EDARADD: variants seen among roughly 807,000 people sequenced by gnomAD.
The protein encoded by EDARADD is EDAR associated via death domain, also known as ectodysplasin-A receptor-associated adapter protein.
EDARADD carries 20 observed loss-of-function variants against 25.6 expected under a neutral mutation model. That is an observed-to-expected ratio of 0.78 (90% CI 0.55 to 1.14). The LOEUF (loss-of-function observed/expected upper bound fraction) is 1.14. EDARADD is among the 50% of genes most tolerant of loss of function. The pLI is 0.00. For synonymous variants in EDARADD, 86 were observed against 94.4 expected (o/e 0.91, Z 0.52); for missense variants, 225 against 270.1 (o/e 0.83, Z 1.17).
At chr1:236,384,194 A>G (rs908920557) in intron 3 of EDARADD, among the ~76,000 whole-genome samples, 9 of 152,140 alleles carry the variant, frequency 5.9e-5, no homozygotes, top group Non-Finnish European at 1.3e-4. Context: ...TTGTACCCAC[A>G]TGTAAGAGTT....
intron 3 of EDARADD, among the ~76,000 whole-genome samples, chr1:236,369,353 A>C (rs1001239333): frequency 1.3e-5 from 2 of 152,138 alleles, no homozygotes; most frequent in Middle Eastern, 3.2e-3. Flanking sequence ...CTTTTCATTT[A>C]TTTAGTTCTT....
At chr1:236,444,940 T>C (rs1658493219) in intron 4 of EDARADD, among the ~76,000 whole-genome samples, 1 of 152,174 alleles carries the variant, frequency 6.6e-6, no homozygotes, top group African/African-American at 2.4e-5. Context: ...ATGTATTTTG[T>C]TAGATTTCAA....
intron 4 of EDARADD, among the ~76,000 whole-genome samples, chr1:236,451,815 C>T (rs1212186563): frequency 4.6e-5 from 7 of 152,080 alleles, no homozygotes; most frequent in East Asian, 1.9e-4. Flanking sequence ...CCCTCCTCCC[C>T]GGAGATGAGA....
chr1:236,433,961 AT>A (rs1178770583), intron 4 of EDARADD, among the ~76,000 whole-genome samples: 1 of 152,052 alleles, frequency 6.6e-6, no homozygotes, highest in African/African-American at 2.4e-5. Flanking sequence ...TTGTTTAATA[AT>A]TCAGAAACAT....
chr1:236,467,645 T>A (rs188020255), intron 4 of EDARADD, among the ~76,000 whole-genome samples: 1 of 149,824 alleles, frequency 6.7e-6, no homozygotes, highest in African/African-American at 2.4e-5. Flanking sequence ...AGGGAAAGAA[T>A]TGTAACCTGG....
intron 5 of EDARADD, among the ~76,000 whole-genome samples, chr1:236,480,008 C>T (rs577605055): frequency 1.6e-4 from 24 of 150,348 alleles, no homozygotes; most frequent in South Asian, 6.3e-4. Flanking sequence ...ACTGTGCCAC[C>T]GCACTCCAGC....
intron 1 of EDARADD, among the ~76,000 whole-genome samples, chr1:236,408,302 A>C (rs1667773795): frequency 6.6e-6 from 1 of 152,072 alleles, no homozygotes; most frequent in African/African-American, 2.4e-5. Context: ...TCCCAGGTTC[A>C]AGCTATTCTT....
At chr1:236,355,564 C>T (rs544581392) in intron 3 of EDARADD, among the ~76,000 whole-genome samples, 8 of 124,006 alleles carry the variant, frequency 6.5e-5, no homozygotes, top group African/African-American at 2.4e-4. Context: ...GGCTGGAGTG[C>T]AGTGGCACGA....
At chr1:236,350,830 A>G (rs1396319654) in exon 3 of EDARADD, 1 of 152,200 alleles carries the variant, frequency 6.6e-6, no homozygotes, top group African/African-American at 2.4e-5. Flanking sequence ...CCTGGGGTCA[A>G]TTGTTTAAGG....
chr1:236,471,635 G>A lies in EDARADD; in HGVS notation c.265+3359G>A, dbSNP rs576576470. ...CAGAACCATAATACTTAGCTATCTC[G>A]GAAGTTGCCAATATAAAATGTTTAC... On this transcript the variant is annotated intron_variant, in intron 5 of 5. Coordinates refer to ENST00000334232, the MANE Select transcript of EDARADD (RefSeq NM_145861.4). 3.6e-4 allele frequency among the ~76,000 whole-genome samples: 55 copies of A among 152,066 alleles called. 1 individual carries two copies. In the South Asian group the frequency reaches 6.2e-3, roughly 17 times the overall value.
chr1:236,359,544 A>T (rs1215617365), intron 3 of EDARADD, among the ~76,000 whole-genome samples: 1 of 152,230 alleles, frequency 6.6e-6, no homozygotes, highest in Non-Finnish European at 1.5e-5. Flanking sequence ...CACTACTGAT[A>T]AAGGTATAAC....
At position 236,361,549 on chromosome 1, in the gene EDARADD, C is replaced by T. The variant is rs375022607; in HGVS notation, c.-6+10710C>T. Among the ~76,000 whole-genome samples the T allele has an allele frequency of 9.3e-5, 14 of 151,214 alleles. No individual in the cohort carries two copies. The East Asian group carries it at 1.2e-3, about 13-fold the overall frequency. On this transcript the variant is annotated intron_variant, in intron 3 of 7. Transcript: ENST00000439430. ...TTTGCCATGTTGGCCAGGCTGGTCT[C>T]GAACTCCTGACCTTCAGTGATCTGC...
chr1:236,361,407 C>T (rs533982106), intron 3 of EDARADD, among the ~76,000 whole-genome samples: 380 of 152,016 alleles, frequency 2.5e-3, no homozygotes, highest in African/African-American at 8.8e-3. Flanking sequence ...CCTCCACCTC[C>T]GGGTTCAAGT....
chr1:236,457,001 C>T (rs1026711329), intron 4 of EDARADD, among the ~76,000 whole-genome samples: 1 of 152,124 alleles, frequency 6.6e-6, no homozygotes, highest in Non-Finnish European at 1.5e-5. Context: ...GAAATGTCAA[C>T]TGTTGTTCTC....
chr1:236,356,662 G>T (rs1666978792), intron 3 of EDARADD, among the ~76,000 whole-genome samples: 1 of 152,074 alleles, frequency 6.6e-6, no homozygotes, highest in African/African-American at 2.4e-5. Flanking sequence ...TAAATGGTGG[G>T]CTATAGCAAG....
intron 1 of EDARADD, among the ~76,000 whole-genome samples, chr1:236,406,628 T>C (rs1667744569): frequency 6.6e-6 from 1 of 152,210 alleles, no homozygotes; most frequent in Non-Finnish European, 1.5e-5. Context: ...GTCTAATCTT[T>C]ATGGGACCAC....
chr1:236,350,962 A>G (rs1012328552), intron 3 of EDARADD: 6 of 152,140 alleles, frequency 3.9e-5, no homozygotes, highest in African/African-American at 1.4e-4. Context: ...CTTGGTAAAC[A>G]ATTTAGGAAC....
chr1:236,468,324 G>T, intron 5 of EDARADD, 48 bp downstream of exon 5: 1 of 1,592,450 alleles, frequency 6.3e-7, no homozygotes, highest in South Asian at 1.1e-5. Flanking sequence ...TAGTGTGGCT[G>T]AATAAAAGAT....
chr1:236,414,131 G>A lies in EDARADD; in HGVS notation c.121-129G>A, dbSNP rs1657571301. 7 of 783,572 alleles carry A rather than the reference G, an allele frequency of 8.9e-6. No individual in the cohort carries two copies. The Admixed American group carries it at 1.1e-4, about 13-fold the overall frequency. 48.5% of individuals were successfully genotyped at this position (783,572 alleles called of 1,614,324 possible). A position where few individuals can be genotyped will look rare whatever the true frequency, so the allele number is the denominator to read the frequency against. ...ACACAATCAATGGATAAGGCCAGTT[G>A]ATAAGTTTGAGGTTAAACATTTTCA... is the stretch of plus-strand genomic sequence containing the variant. On this transcript the variant is annotated intron_variant, in intron 2 of 5. Coordinates refer to ENST00000334232, the MANE Select transcript of EDARADD (RefSeq NM_145861.4).
Sources: allele counts gnomAD v4.1 joint callset (sites outside exome capture counted in the v4.1 genomes callset), GRCh38; gene constraint gnomAD v4.1.1; transcripts MANE v1.5; gene names NCBI Gene and HGNC (gene_info 2026-07-23, HGNC 2026-07-21).